STARD13: variants seen among roughly 807,000 people sequenced by gnomAD.
STARD13 encodes StAR related lipid transfer domain containing 13.
In STARD13, 62 loss-of-function variants were observed where a neutral mutation model predicts 106.4. The ratio of observed to expected loss-of-function variants is 0.58; its 90% CI spans 0.48 to 0.72. The LOEUF (loss-of-function observed/expected upper bound fraction) is 0.72, where lower values mean the gene tolerates loss of function less well. Ranked by LOEUF, STARD13 falls within the 30% of genes least tolerant of loss-of-function variation. The pLI, the probability that STARD13 is intolerant of heterozygous loss-of-function variation, is 0.00. For missense variants in STARD13, 1,387 were observed against 1,424.0 expected, an observed-to-expected ratio of 0.97 and a Z score of 0.42; for synonymous variants, 565 against 553.0, an observed-to-expected ratio of 1.02 and a Z score of -0.31.
chr13:33,502,872 G>A, the STARD13 span, among the ~76,000 whole-genome samples: 1 of 152,140 alleles, frequency 6.6e-6, no homozygotes, highest in Non-Finnish European at 1.5e-5. Flanking sequence ...GCCAGGCGTT[G>A]GTATCAGGAT....
chr13:33,651,612 C>G, the STARD13 span, among the ~76,000 whole-genome samples: 1 of 152,190 alleles, frequency 6.6e-6, no homozygotes, highest in African/African-American at 2.4e-5. Flanking sequence ...TTCCCCAAAG[C>G]CTAATGCCAT....
At chr13:33,666,919 A>T in the STARD13 span, among the ~76,000 whole-genome samples, 1 of 152,240 alleles carries the variant, frequency 6.6e-6, no homozygotes, top group Non-Finnish European at 1.5e-5. Context: ...ACATATATTT[A>T]AAAAGTGGAT....
the STARD13 span, among the ~76,000 whole-genome samples, chr13:33,609,101 A>T: frequency 6.6e-6 from 1 of 150,614 alleles, no homozygotes; most frequent in Non-Finnish European, 1.5e-5. Context: ...AAAAAAAAAA[A>T]AAAAAAATAT....
At chr13:33,223,313 T>G (rs1043108992) in intron 1 of STARD13, among the ~76,000 whole-genome samples, 1 of 152,208 alleles carries the variant, frequency 6.6e-6, no homozygotes, top group African/African-American at 2.4e-5. Flanking sequence ...TGGAGACATT[T>G]TAGAAGCTCA....
chr13:33,321,317 C>A (rs1220649203), intron 1 of STARD13, among the ~76,000 whole-genome samples: 3 of 152,082 alleles, frequency 2.0e-5, no homozygotes, highest in African/African-American at 7.2e-5. Flanking sequence ...ACCTGCCTGA[C>A]CAACATGGTG....
the STARD13 span, among the ~76,000 whole-genome samples, chr13:33,415,088 G>A: frequency 3.3e-5 from 5 of 152,170 alleles, no homozygotes; most frequent in African/African-American, 1.2e-4. Context: ...CATACCTGTC[G>A]CCGGGCATGG....
At chr13:33,109,659 A>G (rs1443024315) in intron 12 of STARD13, among the ~76,000 whole-genome samples, 1 of 152,238 alleles carries the variant, frequency 6.6e-6, no homozygotes, top group African/African-American at 2.4e-5. Context: ...AGGGGCAATC[A>G]GAGAGCCCAG....
the STARD13 span, among the ~76,000 whole-genome samples, chr13:33,549,069 G>A: frequency 6.6e-6 from 1 of 151,974 alleles, no homozygotes; most frequent in Non-Finnish European, 1.5e-5. Flanking sequence ...GAACAAATAA[G>A]TTCGAGAAAA....
the STARD13 span, among the ~76,000 whole-genome samples, chr13:33,446,216 A>C: frequency 5.3e-5 from 8 of 152,192 alleles, no homozygotes; most frequent in South Asian, 1.7e-3. Context: ...ATTTGAATTC[A>C]AAATATTGCA....
chr13:33,524,797 G>T, the STARD13 span, among the ~76,000 whole-genome samples: 5 of 152,046 alleles, frequency 3.3e-5, no homozygotes, highest in South Asian at 4.2e-4. Context: ...ATTTTAAAAT[G>T]GTTAAATCAA....
chr13:33,534,002 G>T, the STARD13 span, among the ~76,000 whole-genome samples: 1 of 152,094 alleles, frequency 6.6e-6, no homozygotes, highest in African/African-American at 2.4e-5. Context: ...TCAGAATTCT[G>T]GTCAGAACGT....
chr13:33,657,477 A>C, the STARD13 span: 1 of 152,234 alleles, frequency 6.6e-6, no homozygotes, highest in African/African-American at 2.4e-5. Context: ...AGGAGGTATT[A>C]CAGGCAGCAG....
At chr13:33,602,065 ACCT>A in the STARD13 span, among the ~76,000 whole-genome samples, 1 of 149,034 alleles carries the variant, frequency 6.7e-6, no homozygotes, top group East Asian at 2.0e-4. Context: ...AATCTGAACC[ACCT>A]CCTGTGACGA....
chr13:33,316,922 C>T (rs189183051), intron 1 of STARD13, among the ~76,000 whole-genome samples: 5 of 152,272 alleles, frequency 3.3e-5, no homozygotes, highest in East Asian at 3.9e-4. Flanking sequence ...TTTTCTTTCT[C>T]GACCTCTCAG....
At chr13:33,638,318 A>G in the STARD13 span, among the ~76,000 whole-genome samples, 1 of 152,022 alleles carries the variant, frequency 6.6e-6, no homozygotes, top group Admixed American at 6.5e-5. Context: ...GACATAAGAC[A>G]TAAGTGAGAC....
chr13:33,226,432 G>GTTA, intron 1 of STARD13, among the ~76,000 whole-genome samples: 1 of 112,150 alleles, frequency 8.9e-6, no homozygotes, highest in East Asian at 2.3e-4. Flanking sequence ...TTCAAATTTA[G>GTTA]TTCTTTTTTT....
intron 3 of STARD13, among the ~76,000 whole-genome samples, chr13:33,146,861 C>T (rs935346320): frequency 1.3e-5 from 2 of 152,152 alleles, no homozygotes; most frequent in South Asian, 4.2e-4. Flanking sequence ...TGCCCTTTTC[C>T]CCAGCTTTTC....
chr13:33,667,627 A>C, the STARD13 span, among the ~76,000 whole-genome samples: 1 of 152,258 alleles, frequency 6.6e-6, no homozygotes, highest in Non-Finnish European at 1.5e-5. Context: ...TGTATCATTA[A>C]GAAAGAAAAA....
At chr13:33,464,024 C>CATATATATATATATATATATATATATAT in the STARD13 span, among the ~76,000 whole-genome samples, 26 of 112,336 alleles carry the variant, frequency 2.3e-4, no homozygotes, top group South Asian at 1.2e-3. Context: ...AAAAAAAATA[C>CATATATATATATATATATATATATATAT]ATATATATAT....
Sources: gnomAD v4.1 joint callset for allele counts (sites outside exome capture counted in the v4.1 genomes callset) on GRCh38, gnomAD v4.1.1 for gene constraint, MANE v1.5 for transcripts, NCBI Gene and HGNC (gene_info 2026-07-23, HGNC 2026-07-21) for gene names.